The following SDK1 variants were observed in gnomAD, a reference collection of about 807,000 sequenced individuals.
SDK1 encodes the protein protein sidekick-1.
SDK1 carries 157 observed loss-of-function variants against 245.5 expected under a neutral mutation model. The ratio of observed to expected loss-of-function variants is 0.64; its 90% CI spans 0.56 to 0.73. The LOEUF is 0.73. Among genes scored for constraint, SDK1 ranks in the 30% least tolerant of loss-of-function variants. SDK1 has a pLI of 0.00. For synonymous variants in SDK1, 1,647 were observed against 1,278.5 expected, an observed-to-expected ratio of 1.29 and a Z score of -6.15; for missense variants, 3,583 against 3,002.3, an observed-to-expected ratio of 1.19 and a Z score of -4.52.
chr7:3,900,020 A>T (rs1781730131), intron 5 of SDK1, among the ~76,000 whole-genome samples: 1 of 152,260 alleles, frequency 6.6e-6, no homozygotes, highest in East Asian at 1.9e-4. Context: ...GAAAGCTGTA[A>T]TCGGATACCA....
At chr7:4,097,716 C>G (rs1782246594) in intron 22 of SDK1, among the ~76,000 whole-genome samples, 1 of 152,208 alleles carries the variant, frequency 6.6e-6, no homozygotes, top group Non-Finnish European at 1.5e-5. Flanking sequence ...TCTGTCTCCT[C>G]CTTCCCTCCT....
chr7:3,876,402 T>C (rs2115141950), intron 5 of SDK1, among the ~76,000 whole-genome samples: 1 of 152,306 alleles, frequency 6.6e-6, no homozygotes, highest in South Asian at 2.1e-4. Context: ...GTGGAAAGAA[T>C]CATCACATCA....
intron 5 of SDK1, among the ~76,000 whole-genome samples, chr7:3,905,320 G>GT (rs1414766608): frequency 6.6e-6 from 1 of 151,978 alleles, no homozygotes; most frequent in East Asian, 1.9e-4. Flanking sequence ...CATTATTTTT[G>GT]TATCACTGGA....
chr7:4,150,609 G>A lies in SDK1; in HGVS notation c.4625+1146G>A, dbSNP rs545627705. ...CCCAGCCATCCTCGTCTTCGAGGCTGCCCGTCTCAGCCCTTCCTGACTGAA... is the reference window on the plus strand; with the variant it reads ...CCCAGCCATCCTCGTCTTCGAGGCTACCCGTCTCAGCCCTTCCTGACTGAA... On this transcript the variant is annotated intron_variant, in intron 30 of 44. Transcript: ENST00000404826. Among the ~76,000 whole-genome samples, 3 of 152,330 alleles carry A rather than the reference G, an allele frequency of 2.0e-5. No homozygotes were observed. In the South Asian group the frequency reaches 6.2e-4, roughly 32 times the overall value.
At chr7:4,129,561 C>T (rs1030357688) in intron 26 of SDK1, 2 of 740,676 alleles carry the variant, frequency 2.7e-6, no homozygotes, top group African/African-American at 1.9e-5. Context: ...GCTCCTGTGG[C>T]AGGAAGCAGA....
At chr7:3,744,452 A>G (rs1375604258) in intron 4 of SDK1, among the ~76,000 whole-genome samples, 1 of 152,184 alleles carries the variant, frequency 6.6e-6, no homozygotes, top group Admixed American at 6.5e-5. Context: ...CAATGAATTC[A>G]TACAGTATAA....
chr7:3,321,089 A>G (rs1456702627), intron 1 of SDK1, among the ~76,000 whole-genome samples: 1 of 152,218 alleles, frequency 6.6e-6, no homozygotes, highest in Non-Finnish European at 1.5e-5. Flanking sequence ...AAGATATTTC[A>G]GGGCTTATCA....
chr7:3,431,744 G>C (rs1465656134), intron 1 of SDK1, among the ~76,000 whole-genome samples: 1 of 152,160 alleles, frequency 6.6e-6, no homozygotes, highest in Non-Finnish European at 1.5e-5. Context: ...TTGTGACCTT[G>C]AGAAAGGACC....
intron 1 of SDK1, among the ~76,000 whole-genome samples, chr7:3,569,492 G>A (rs546051053): frequency 1.3e-5 from 2 of 152,342 alleles, no homozygotes; most frequent in African/African-American, 2.4e-5. Context: ...GAATGAGCCC[G>A]AGGCTCTGCA....
intron 4 of SDK1, among the ~76,000 whole-genome samples, chr7:3,792,915 T>G (rs12333491): frequency 6.6e-6 from 1 of 152,252 alleles, no homozygotes; most frequent in African/African-American, 2.4e-5. Flanking sequence ...GAAAGCTTAA[T>G]GAGTGCATTC....
At chr7:4,237,962 G>A (rs1255058122) in intron 42 of SDK1, among the ~76,000 whole-genome samples, 178 bp downstream of exon 42, 2 of 152,178 alleles carry the variant, frequency 1.3e-5, no homozygotes, top group Non-Finnish European at 2.9e-5. Flanking sequence ...TGCAGCAAAC[G>A]CTCTATGCCT....
At chr7:3,569,011 T>TG (rs534764625) in intron 1 of SDK1, among the ~76,000 whole-genome samples, 1 of 151,792 alleles carries the variant, frequency 6.6e-6, no homozygotes. Context: ...CATATGTTTT[T>TG]TTTTTTTTTC....
intron 34 of SDK1, among the ~76,000 whole-genome samples, chr7:4,177,114 C>G (rs924772504): frequency 1.3e-5 from 2 of 152,210 alleles, no homozygotes; most frequent in African/African-American, 4.8e-5. Context: ...CAGCACAGCT[C>G]CAACATGTTG....
At chr7:3,666,505 A>T (rs536682481) in intron 4 of SDK1, among the ~76,000 whole-genome samples, 1 of 152,102 alleles carries the variant, frequency 6.6e-6, no homozygotes, top group Non-Finnish European at 1.5e-5. Flanking sequence ...CAGCAGGTTC[A>T]GTGTGGTTTC....
chr7:3,970,330 G>A (rs530352926), intron 11 of SDK1, among the ~76,000 whole-genome samples: 45 of 152,276 alleles, frequency 3.0e-4, no homozygotes, highest in Admixed American at 2.0e-3. Context: ...TTTGATAAAC[G>A]ACTCTTCCTA....
chr7:4,102,558 G>A (rs924105780), intron 22 of SDK1, among the ~76,000 whole-genome samples: 2 of 152,160 alleles, frequency 1.3e-5, no homozygotes, highest in African/African-American at 4.8e-5. Flanking sequence ...TCCATGTGCA[G>A]AATTACCTTT....
intron 1 of SDK1, among the ~76,000 whole-genome samples, chr7:3,508,808 C>T (rs531753157): frequency 1.3e-5 from 2 of 152,258 alleles, no homozygotes; most frequent in South Asian, 4.1e-4. Context: ...GCGTGAAATT[C>T]TTTGAAGGCA....
At chr7:3,592,742 A>G (rs1047818722) in intron 1 of SDK1, among the ~76,000 whole-genome samples, 1 of 152,142 alleles carries the variant, frequency 6.6e-6, no homozygotes, top group African/African-American at 2.4e-5. Context: ...TCACCGCTTT[A>G]TATAAAGAAC....
At chr7:4,207,187 G>A (rs1467420174) in intron 36 of SDK1, among the ~76,000 whole-genome samples, 6 of 152,172 alleles carry the variant, frequency 3.9e-5, no homozygotes, top group South Asian at 2.1e-4. Context: ...GCGGGTGTGC[G>A]AGGCAGGCGT....
Sources: gnomAD v4.1 joint callset for allele counts (sites outside exome capture counted in the v4.1 genomes callset) on GRCh38, gnomAD v4.1.1 for gene constraint, MANE v1.5 for transcripts, NCBI Gene and HGNC (gene_info 2026-07-23, HGNC 2026-07-21) for gene names.